Variants in ATF1 observed in about 807,000 individuals in gnomAD.
ATF1 encodes activating transcription factor 1, also known as cyclic AMP-dependent transcription factor ATF-1.
In ATF1, 16 loss-of-function variants were observed where a neutral mutation model predicts 34.7. That is an observed-to-expected ratio of 0.46 (90% CI 0.31 to 0.70). ATF1 has a LOEUF of 0.70. Ranked by LOEUF, ATF1 falls within the 30% of genes least tolerant of loss-of-function variation. The probability of loss-of-function intolerance (pLI) is 0.05; values close to 1 mark genes in which losing one functional copy is unlikely to be tolerated. For missense variants in ATF1, 255 were observed against 321.6 expected (o/e 0.79, Z 1.58); for synonymous variants, 105 against 113.1 (o/e 0.93, Z 0.46).
At chr12:50,794,429 G>A (rs1941369761) in intron 2 of ATF1, among the ~76,000 whole-genome samples, 1 of 151,640 alleles carries the variant, frequency 6.6e-6, no homozygotes, top group Non-Finnish European at 1.5e-5. Context: ...GCTGGGCGTG[G>A]TGGCACGTGG....
At chr12:50,815,105 G>C (rs771918565) in intron 6 of ATF1, among the ~76,000 whole-genome samples, 49 of 151,900 alleles carry the variant, frequency 3.2e-4, no homozygotes, top group Admixed American at 6.6e-4. Flanking sequence ...CTGGGCAACA[G>C]AGTGAGACTC....
At chr12:50,793,698 T>C (rs201450088) in intron 2 of ATF1, among the ~76,000 whole-genome samples, 1 of 17,828 alleles carries the variant, frequency 5.6e-5, no homozygotes, top group African/African-American at 1.5e-4. Context: ...TTCTTAATTA[T>C]TGGTTATTTC....
chr12:50,773,466 T>TTTTTTC (rs1156858215), intron 1 of ATF1, among the ~76,000 whole-genome samples: 1 of 149,476 alleles, frequency 6.7e-6, no homozygotes, highest in African/African-American at 2.5e-5. Flanking sequence ...TTTTTTTTTT[T>TTTTTTC]CGAGACAAAG....
chr12:50,792,787 A>G (rs1941332751), intron 2 of ATF1, among the ~76,000 whole-genome samples: 1 of 152,018 alleles, frequency 6.6e-6, no homozygotes, highest in Non-Finnish European at 1.5e-5. Flanking sequence ...TTTAAAGGGA[A>G]AGCACCCTTT....
intron 6 of ATF1, among the ~76,000 whole-genome samples, chr12:50,814,994 C>T (rs958454076): frequency 1.4e-4 from 21 of 151,754 alleles, no homozygotes; most frequent in Admixed American, 9.8e-4. Context: ...TGGTGGCGGG[C>T]GCCTGTAGTC....
At chr12:50,815,005 C>T (rs112903832) in intron 6 of ATF1, among the ~76,000 whole-genome samples, 18 of 151,972 alleles carry the variant, frequency 1.2e-4, no homozygotes, top group African/African-American at 4.3e-4. Flanking sequence ...GCCTGTAGTC[C>T]CAGCTACCCG....
At chr12:50,810,920 G>A (rs1449452454) in intron 4 of ATF1, among the ~76,000 whole-genome samples, 3 of 151,864 alleles carry the variant, frequency 2.0e-5, no homozygotes, top group Admixed American at 6.6e-5. Flanking sequence ...AGATCACATC[G>A]CTCCTGCCCA....
intron 6 of ATF1, among the ~76,000 whole-genome samples, chr12:50,816,179 T>C (rs1202121590): frequency 6.6e-6 from 1 of 151,860 alleles, no homozygotes; most frequent in East Asian, 1.9e-4. Flanking sequence ...GATAAAAAAT[T>C]AGCCAGGCAT....
chr12:50,809,646 G>A, intron 4 of ATF1, 57 bp downstream of exon 4: 1 of 1,501,810 alleles, frequency 6.7e-7, no homozygotes. Context: ...CTTTTCTGTA[G>A]AAAGAAATGG....
chr12:50,801,926 A>G (rs140582543), intron 3 of ATF1, among the ~76,000 whole-genome samples: 129 of 152,322 alleles, frequency 8.5e-4, no homozygotes, highest in Middle Eastern at 6.8e-3. Context: ...GAATTAGTCA[A>G]TAAATTAAAT....
chr12:50,801,134 A>T (rs534858429), intron 3 of ATF1, among the ~76,000 whole-genome samples: 1 of 152,340 alleles, frequency 6.6e-6, no homozygotes, highest in Admixed American at 6.5e-5. Flanking sequence ...AAAACAAATT[A>T]TGAAATTCTG....
At chr12:50,768,147 A>G (rs1367180862) in intron 1 of ATF1, among the ~76,000 whole-genome samples, 10 of 152,140 alleles carry the variant, frequency 6.6e-5, no homozygotes, top group Admixed American at 6.6e-4. Context: ...TGATGGGATT[A>G]CAGGCATGAG....
chr12:50,789,038 T>TAA (rs1210683449), intron 2 of ATF1, among the ~76,000 whole-genome samples: 1 of 152,166 alleles, frequency 6.6e-6, no homozygotes, highest in Non-Finnish European at 1.5e-5. Flanking sequence ...TAGCGACTGA[T>TAA]ACGTAGTTCA....
chr12:50,816,188 A>G lies in ATF1; in HGVS notation c.671+1749A>G, dbSNP rs569062169. Among the ~76,000 whole-genome samples, 7 of 152,170 alleles carry G rather than the reference A, an allele frequency of 4.6e-5. No individual in the cohort carries two copies. In the South Asian group the frequency reaches 1.2e-3, roughly 27 times the overall value. ...ACAAAAGATAAAAAATTAGCCAGGCATGGTGGCGTGTGCCTAAAATCCCAG... is the reference window on the plus strand; with the variant it reads ...ACAAAAGATAAAAAATTAGCCAGGCGTGGTGGCGTGTGCCTAAAATCCCAG... On this transcript the variant is annotated intron_variant, in intron 6 of 6. Coordinates refer to ENST00000262053, the MANE Select transcript of ATF1 (RefSeq NM_005171.5).
In ATF1 at chr12:50,766,424, G is replaced by A. The variant is rs11169554; in HGVS notation, c.-7+2117G>A. The stretch of plus-strand genomic sequence containing the variant: ...TTCTCTTTGGATTAATCTGCCTTGC[G>A]CTCTTTGCTGATGGCTGTGGGTGAC... On this transcript the variant is annotated intron_variant, in intron 1 of 6. Transcript: ENST00000262053. Among the ~76,000 whole-genome samples the A allele has an allele frequency of 3.9e-3, 597 of 152,090 alleles. 5 individuals are homozygous for A. The highest frequency in any genetic ancestry group is 0.014 in the African/African-American group (575 of 41,498).
chr12:50,787,893 T>G (rs1162323731), intron 2 of ATF1, among the ~76,000 whole-genome samples: 2 of 152,078 alleles, frequency 1.3e-5, no homozygotes, highest in Admixed American at 1.3e-4. Context: ...GGGAGAAAAA[T>G]AGAGCATCCA....
At chr12:50,775,272 T>C (rs780734447) in intron 1 of ATF1, among the ~76,000 whole-genome samples, 1 of 152,128 alleles carries the variant, frequency 6.6e-6, no homozygotes, top group Non-Finnish European at 1.5e-5. Context: ...GTTATAATTA[T>C]TGTCTAAAAT....
At chr12:50,819,396 A>C (rs1390206185) in intron 6 of ATF1, among the ~76,000 whole-genome samples, 10 of 152,234 alleles carry the variant, frequency 6.6e-5, no homozygotes, top group Non-Finnish European at 1.5e-4. Context: ...AGGAAGGGGC[A>C]TGAGGGAACT....
At chr12:50,767,875 C>CTT (rs956407793) in intron 1 of ATF1, among the ~76,000 whole-genome samples, 5 of 142,278 alleles carry the variant, frequency 3.5e-5, no homozygotes, top group Admixed American at 1.4e-4. Context: ...TTTGCACTTT[C>CTT]TTTTTTTTTT....
Sources: allele counts gnomAD v4.1 joint callset (sites outside exome capture counted in the v4.1 genomes callset), GRCh38; gene constraint gnomAD v4.1.1; transcripts MANE v1.5; gene names NCBI Gene and HGNC (gene_info 2026-07-23, HGNC 2026-07-21).